DYNC1I1: variants seen among roughly 807,000 people sequenced by gnomAD.
The protein encoded by DYNC1I1 is cytoplasmic dynein 1 intermediate chain 1.
Under a neutral mutation model 86.6 loss-of-function variants are expected in DYNC1I1, and 43 were observed. That is an observed-to-expected ratio of 0.50 (90% CI 0.39 to 0.64). DYNC1I1 has a LOEUF of 0.64. Among genes scored for constraint, DYNC1I1 ranks in the 30% least tolerant of loss-of-function variants. DYNC1I1 has a pLI of 0.00. For missense variants in DYNC1I1, 604 were observed against 788.8 expected (o/e 0.77, Z 2.81); for synonymous variants, 262 against 283.7 (o/e 0.92, Z 0.77).
At chr7:95,992,291 A>ATT (rs955014170) in intron 9 of DYNC1I1, among the ~76,000 whole-genome samples, 75 of 152,250 alleles carry the variant, frequency 4.9e-4, no homozygotes, top group African/African-American at 1.8e-3. Context: ...TATAGAGAAG[A>ATT]GCCTATTATT....
chr7:95,886,733 G>C (rs1055498624), intron 6 of DYNC1I1, among the ~76,000 whole-genome samples: 1 of 152,176 alleles, frequency 6.6e-6, no homozygotes, highest in African/African-American at 2.4e-5. Flanking sequence ...AAAAAAAATT[G>C]AGGAAATTCC....
At chr7:96,102,467 A>T (rs1791149986), downstream of DYNC1I1, among the ~76,000 whole-genome samples, 1 of 152,216 alleles carries the variant, frequency 6.6e-6, no homozygotes, top group South Asian at 2.1e-4. Context: ...GTTTAAGAGC[A>T]TGCTGGGCTC....
intron 5 of DYNC1I1, among the ~76,000 whole-genome samples, chr7:95,836,337 G>T (rs576031574): frequency 0.067 from 10,191 of 152,066 alleles, 457 homozygotes; most frequent in Non-Finnish European, 0.096. Context: ...CGAGAGATCC[G>T]CTGTTAGTCT....
intron 2 of DYNC1I1, among the ~76,000 whole-genome samples, chr7:95,808,671 A>G (rs1463690447): frequency 1.3e-5 from 2 of 152,154 alleles, no homozygotes; most frequent in Non-Finnish European, 2.9e-5. Flanking sequence ...TTTCTCTAAT[A>G]AATGTGGAAA....
chr7:96,018,232 A>G (rs1794448357), intron 10 of DYNC1I1, among the ~76,000 whole-genome samples: 1 of 152,208 alleles, frequency 6.6e-6, no homozygotes. Context: ...TAAGAAATGT[A>G]GTGCTCAGGC....
intron 16 of DYNC1I1, among the ~76,000 whole-genome samples, chr7:96,093,298 A>G (rs768952776): frequency 1.2e-4 from 18 of 152,042 alleles, no homozygotes; most frequent in Non-Finnish European, 2.1e-4. Flanking sequence ...CATCATCCTT[A>G]TTTTACAATT....
At chr7:96,026,166 A>G (rs1794677824) in intron 10 of DYNC1I1, among the ~76,000 whole-genome samples, 1 of 152,184 alleles carries the variant, frequency 6.6e-6, no homozygotes, top group Admixed American at 6.5e-5. Flanking sequence ...AACTTTATGA[A>G]AACCAGATTG....
rs183460984 is a variant in DYNC1I1, at chr7:95,856,702, C to T, written c.375-13181C>T. Among the ~76,000 whole-genome samples the T allele has an allele frequency of 3.4e-3, 525 of 152,174 alleles. 9 individuals are homozygous for T. The highest frequency in any genetic ancestry group is 0.012 in the African/African-American group (509 of 41,510). On this transcript the variant is annotated intron_variant, in intron 5 of 16. Transcript: ENST00000447467. ...CCCAGGTTAAATTTGGTTTGCTGGC[C>T]GGGTGTGGTGGCTCACGCCTGTAAT...
intron 16 of DYNC1I1, among the ~76,000 whole-genome samples, chr7:96,085,436 G>T (rs918199188): frequency 1.3e-5 from 2 of 151,904 alleles, no homozygotes; most frequent in African/African-American, 4.8e-5. Context: ...TGACTCAAGA[G>T]GTAAAATATA....
Position 95,807,915 on chromosome 7 carries a change from GTTGT to G in DYNC1I1, c.109-2470_109-2467del, listed in dbSNP as rs541896504. ...GCTATATGCTTTTGTTGTTGTTGTT[GTTGT>G]TTGTTTTTTAATCATTGAGTCAATG... On this transcript the variant is annotated intron_variant, in intron 2 of 16. Coordinates refer to ENST00000447467, the MANE Select transcript of DYNC1I1 (RefSeq NM_001135556.2). 2.6e-3 allele frequency among the ~76,000 whole-genome samples: 403 copies of G among 152,166 alleles called. 1 individual carries two copies. Among genetic ancestry groups the G allele is most frequent in the African/African-American group, 9.5e-3 (395 of 41,530 alleles).
At chr7:95,779,250 T>C (rs561416871) in intron 1 of DYNC1I1, among the ~76,000 whole-genome samples, 1 of 152,292 alleles carries the variant, frequency 6.6e-6, no homozygotes, top group Non-Finnish European at 1.5e-5. Context: ...TTTAAGTCAA[T>C]TTTTTTGTCT....
chr7:95,972,737 G>C (rs1793208374), intron 6 of DYNC1I1, among the ~76,000 whole-genome samples: 1 of 152,188 alleles, frequency 6.6e-6, no homozygotes, highest in Admixed American at 6.5e-5. Flanking sequence ...CCATGGACTA[G>C]TGGAGGAAAC....
At chr7:95,820,835 C>T (rs554812769) in intron 4 of DYNC1I1, among the ~76,000 whole-genome samples, 6 of 152,374 alleles carry the variant, frequency 3.9e-5, no homozygotes, top group African/African-American at 1.4e-4. Context: ...GCCTCGGCCT[C>T]CCAAAGCTCT....
intron 7 of DYNC1I1, among the ~76,000 whole-genome samples, chr7:95,979,188 T>C (rs948276509): frequency 6.6e-6 from 1 of 152,216 alleles, no homozygotes; most frequent in South Asian, 2.1e-4. Flanking sequence ...GTTTGTTTTT[T>C]GCAATCTCAG....
chr7:95,941,423 G>A (rs1188126903), intron 6 of DYNC1I1, among the ~76,000 whole-genome samples: 1 of 152,068 alleles, frequency 6.6e-6, no homozygotes, highest in Non-Finnish European at 1.5e-5. Context: ...ACAGAGGCAG[G>A]CAGGCCTCCT....
intron 6 of DYNC1I1, among the ~76,000 whole-genome samples, chr7:95,942,662 A>G (rs1358421671): frequency 6.6e-6 from 1 of 151,236 alleles, no homozygotes; most frequent in East Asian, 2.0e-4. Context: ...CACATCAAAA[A>G]GCTTATCCAC....
chr7:96,009,547 C>T (rs923624738), intron 10 of DYNC1I1, among the ~76,000 whole-genome samples: 1 of 152,144 alleles, frequency 6.6e-6, no homozygotes, highest in African/African-American at 2.4e-5. Flanking sequence ...TTCTTTGTCT[C>T]AAGGAAGCCT....
chr7:95,991,501 C>T (rs1793728752), intron 9 of DYNC1I1, among the ~76,000 whole-genome samples: 1 of 152,198 alleles, frequency 6.6e-6, no homozygotes, highest in Non-Finnish European at 1.5e-5. Context: ...ACCTCACCAA[C>T]AGGCTGCTGT....
chr7:95,910,226 T>A (rs942672304), intron 6 of DYNC1I1, among the ~76,000 whole-genome samples: 1 of 152,200 alleles, frequency 6.6e-6, no homozygotes, highest in Non-Finnish European at 1.5e-5. Context: ...TCATATTTCT[T>A]GGATCCTGTA....
Sources: gnomAD v4.1 joint callset for allele counts (sites outside exome capture counted in the v4.1 genomes callset) on GRCh38, gnomAD v4.1.1 for gene constraint, MANE v1.5 for transcripts, NCBI Gene and HGNC (gene_info 2026-07-23, HGNC 2026-07-21) for gene names.